Variants in CDH18 observed in about 807,000 individuals in gnomAD.
CDH18 encodes cadherin-18.
CDH18 carries 31 observed loss-of-function variants against 67.9 expected under a neutral mutation model. The observed-to-expected ratio is 0.46, with a 90% CI of 0.34 to 0.62. The LOEUF (loss-of-function observed/expected upper bound fraction) is 0.62. Among genes scored for constraint, CDH18 ranks in the 20% least tolerant of loss-of-function variants. The probability of loss-of-function intolerance (pLI) is 0.01; values close to 1 mark genes in which losing one functional copy is unlikely to be tolerated. For synonymous variants in CDH18, 362 were observed against 347.2 expected (o/e 1.04, Z -0.48); for missense variants, 890 against 975.5 (o/e 0.91, Z 1.17).
intron 2 of CDH18, among the ~76,000 whole-genome samples, chr5:19,883,859 T>G (rs2150063834): frequency 6.6e-6 from 1 of 152,256 alleles, no homozygotes; most frequent in South Asian, 2.1e-4. Flanking sequence ...AAAATAATAC[T>G]TTTGCTTAGT....
At chr5:19,741,711 T>C (rs542532085) in intron 4 of CDH18, among the ~76,000 whole-genome samples, 6 of 152,150 alleles carry the variant, frequency 3.9e-5, no homozygotes, top group Non-Finnish European at 8.8e-5. Flanking sequence ...TATTATTCAA[T>C]TTGTGTTTCT....
At chr5:19,926,890 TA>T (rs1462767955) in intron 2 of CDH18, among the ~76,000 whole-genome samples, 5 of 152,086 alleles carry the variant, frequency 3.3e-5, no homozygotes, top group Non-Finnish European at 1.5e-5. Context: ...ATTTTCAGGA[TA>T]GAAAAGGTTT....
intron 2 of CDH18, among the ~76,000 whole-genome samples, chr5:19,930,616 C>A (rs540898728): frequency 7.2e-5 from 11 of 151,780 alleles, no homozygotes; most frequent in Middle Eastern, 3.2e-3. Flanking sequence ...GACACTTGTA[C>A]GTGAGAAGAT....
intron 2 of CDH18, among the ~76,000 whole-genome samples, chr5:19,948,338 TAAATC>T (rs1450679324): frequency 6.6e-6 from 1 of 152,194 alleles, no homozygotes; most frequent in Non-Finnish European, 1.5e-5. Context: ...AGTCAAAAGT[TAAATC>T]AAATGTCCTT....
At chr5:19,511,581 G>T (rs1008281023) in intron 10 of CDH18, among the ~76,000 whole-genome samples, 10 of 152,234 alleles carry the variant, frequency 6.6e-5, no homozygotes, top group Admixed American at 5.9e-4. Flanking sequence ...CAGAATAAAA[G>T]TGACTCTTGC....
chr5:20,372,545 A>G (rs969227596), intron 1 of CDH18, among the ~76,000 whole-genome samples: 1 of 152,176 alleles, frequency 6.6e-6, no homozygotes, highest in African/African-American at 2.4e-5. Context: ...CATGTATGTG[A>G]TTTGGAAATC....
chr5:20,075,468 A>G (rs936641467), intron 2 of CDH18, among the ~76,000 whole-genome samples: 2 of 152,060 alleles, frequency 1.3e-5, no homozygotes. Flanking sequence ...GCGCCACTGC[A>G]CTCCAGCCTG....
intron 1 of CDH18, among the ~76,000 whole-genome samples, chr5:20,424,409 CT>C (rs142131265): frequency 0.23 from 33,843 of 149,436 alleles, 4,446 homozygotes; most frequent in East Asian, 0.3. Context: ...TTCAGATTAT[CT>C]TTTTTTTTTG....
At chr5:19,714,455 A>T (rs1481651609) in intron 5 of CDH18, among the ~76,000 whole-genome samples, 1 of 152,006 alleles carries the variant, frequency 6.6e-6, no homozygotes, top group East Asian at 1.9e-4. Context: ...GTCCTCACAC[A>T]ATCTGCTGCA....
intron 2 of CDH18, among the ~76,000 whole-genome samples, chr5:19,999,932 T>A (rs990616034): frequency 1.3e-5 from 2 of 152,206 alleles, no homozygotes; most frequent in African/African-American, 4.8e-5. Context: ...AATTATGTAT[T>A]AAGTTCCATC....
chr5:19,765,162 C>T (rs1218675732), intron 3 of CDH18, among the ~76,000 whole-genome samples: 1 of 152,078 alleles, frequency 6.6e-6, no homozygotes, highest in Non-Finnish European at 1.5e-5. Flanking sequence ...TTCAATGTAA[C>T]TGAATGGAAG....
chr5:19,659,565 G>T (rs1018027231), intron 5 of CDH18, among the ~76,000 whole-genome samples: 5 of 152,090 alleles, frequency 3.3e-5, no homozygotes, highest in African/African-American at 1.2e-4. Context: ...GTCCCTCCAA[G>T]ATTTACATTG....
chr5:19,580,639 T>C (rs1743093036), intron 7 of CDH18, among the ~76,000 whole-genome samples: 1 of 151,920 alleles, frequency 6.6e-6, no homozygotes, highest in African/African-American at 2.4e-5. Flanking sequence ...TTAACATATA[T>C]TAATTTATTT....
chr5:20,294,458 T>C (rs1244091633), intron 1 of CDH18, among the ~76,000 whole-genome samples: 1 of 152,210 alleles, frequency 6.6e-6, no homozygotes, highest in African/African-American at 2.4e-5. Context: ...GGAGAGCTGG[T>C]AAGATGGGAG....
chr5:20,367,344 G>A (rs1173261816), intron 1 of CDH18, among the ~76,000 whole-genome samples: 2 of 152,070 alleles, frequency 1.3e-5, no homozygotes, highest in South Asian at 4.1e-4. Context: ...CCAGAGGAGA[G>A]GTTCAGGCTT....
intron 2 of CDH18, among the ~76,000 whole-genome samples, chr5:20,076,939 G>C (rs547922203): frequency 3.3e-5 from 5 of 152,094 alleles, no homozygotes; most frequent in African/African-American, 9.7e-5. Flanking sequence ...TCAGCAAAAA[G>C]TGACTTATGC....
chr5:20,302,445 T>C lies in CDH18; in HGVS notation c.-579-46940A>G, dbSNP rs187636306. Among the ~76,000 whole-genome samples, 198 of 152,242 alleles carry C rather than the reference T, an allele frequency of 1.3e-3. 1 individual carries two copies. The highest frequency in any genetic ancestry group is 4.6e-3 in the African/African-American group (191 of 41,542). On this transcript the variant is annotated intron_variant, in intron 1 of 14. Coordinates refer to the CDH18 transcript ENST00000507958. The stretch of plus-strand genomic sequence containing the variant: ...TTCCTCCCTAGGTGCCTACTATCGC[T>C]ATGTCTGACAGCATCCTGTAACAGT...
At chr5:20,336,573 A>T (rs990177300) in intron 1 of CDH18, among the ~76,000 whole-genome samples, 9 of 151,840 alleles carry the variant, frequency 5.9e-5, no homozygotes, top group African/African-American at 2.2e-4. Flanking sequence ...ATACAAAAAA[A>T]TTAGCCGGCC....
chr5:20,195,039 T>C (rs747992167), intron 2 of CDH18, among the ~76,000 whole-genome samples: 14 of 152,030 alleles, frequency 9.2e-5, no homozygotes, highest in Non-Finnish European at 1.8e-4. Context: ...TAATGGAAAA[T>C]ATAAATATCC....
Sources: allele counts gnomAD v4.1 joint callset (sites outside exome capture counted in the v4.1 genomes callset), GRCh38; gene constraint gnomAD v4.1.1; transcripts MANE v1.5; gene names NCBI Gene and HGNC (gene_info 2026-07-23, HGNC 2026-07-21).